Variants in PDK1 observed in about 807,000 individuals in gnomAD.
PDK1 encodes the protein [Pyruvate dehydrogenase (acetyl-transferring)] kinase isozyme 1, mitochondrial.
PDK1 carries 39 observed loss-of-function variants against 54.2 expected under a neutral mutation model. The ratio of observed to expected loss-of-function variants is 0.72; its 90% CI spans 0.56 to 0.94. PDK1 has a LOEUF of 0.94. Ranked by LOEUF, PDK1 falls within the 40% of genes least tolerant of loss-of-function variation. The pLI is 0.00. For synonymous variants in PDK1, 221 were observed against 207.1 expected (o/e 1.07, Z -0.58); for missense variants, 552 against 566.0 (o/e 0.98, Z 0.25).
chr2:172,701,812 C>T, the PDK1 span, among the ~76,000 whole-genome samples: 2 of 152,014 alleles, frequency 1.3e-5, no homozygotes, highest in African/African-American at 4.8e-5. Flanking sequence ...CTTTTTACCT[C>T]TAGAAATGCT....
the PDK1 span, among the ~76,000 whole-genome samples, chr2:172,713,802 A>G: frequency 6.6e-6 from 1 of 152,162 alleles, no homozygotes; most frequent in African/African-American, 2.4e-5. Flanking sequence ...TCAACTGGGA[A>G]GGGGGTGTGG....
intron 9 of PDK1, among the ~76,000 whole-genome samples, chr2:172,592,277 G>A (rs1690631312): frequency 6.6e-6 from 1 of 152,140 alleles, no homozygotes; most frequent in Non-Finnish European, 1.5e-5. Flanking sequence ...AGGGTACACT[G>A]TTTTTTCTTT....
At chr2:172,644,578 A>T in the PDK1 span, among the ~76,000 whole-genome samples, 2 of 152,214 alleles carry the variant, frequency 1.3e-5, no homozygotes, top group Non-Finnish European at 1.5e-5. Context: ...GTCCTTGTGG[A>T]AAATGTTTGC....
At position 172,603,547 on chromosome 2, in the gene PDK1, T is replaced by C. The variant is rs1004158977; in HGVS notation, c.*7578T>C. 1.3e-5 allele frequency: 2 copies of C among 152,212 alleles called. No individual in the cohort carries two copies. Among genetic ancestry groups the C allele is most frequent in the Admixed American group, 6.5e-5 (1 of 15,272 alleles). The allele number at this position is 152,212 out of a possible 1,614,324, so 9.4% of individuals were successfully genotyped here. On this transcript the variant is annotated 3_prime_UTR_variant, in exon 11 of 11. Transcript: ENST00000282077. Reference sequence around the variant, plus strand: ...GTGGTTAATGAGAGCTTCACTAATGTTGTCTGCTGCAGGCAATAAGTGAAG... The same window carrying C: ...GTGGTTAATGAGAGCTTCACTAATGCTGTCTGCTGCAGGCAATAAGTGAAG...
At chr2:172,708,017 G>T in the PDK1 span, among the ~76,000 whole-genome samples, 6 of 152,138 alleles carry the variant, frequency 3.9e-5, no homozygotes, top group Non-Finnish European at 7.4e-5. Flanking sequence ...TTAGAAAAAT[G>T]ACCAGCCAGG....
At chr2:172,564,197 T>C in intron 3 of PDK1, 1 of 470,706 alleles carries the variant, frequency 2.1e-6, no homozygotes, top group East Asian at 5.7e-5. Flanking sequence ...AGTGCTCAGA[T>C]GACCTTAGTT....
At chr2:172,706,899 A>C in the PDK1 span, among the ~76,000 whole-genome samples, 2 of 152,144 alleles carry the variant, frequency 1.3e-5, no homozygotes, top group South Asian at 4.1e-4. Context: ...CTCAGCTTTC[A>C]TCCACATCAT....
the PDK1 span, among the ~76,000 whole-genome samples, chr2:172,657,914 C>T: frequency 6.6e-6 from 1 of 152,316 alleles, no homozygotes; most frequent in South Asian, 2.1e-4. Context: ...GCATCTTCTT[C>T]TGGTGAGACC....
the PDK1 span, among the ~76,000 whole-genome samples, chr2:172,676,555 A>C: frequency 1.3e-5 from 2 of 152,212 alleles, no homozygotes; most frequent in Non-Finnish European, 2.9e-5. Flanking sequence ...ATGTGACTGA[A>C]TTGCTACAAT....
chr2:172,713,218 C>T, the PDK1 span, among the ~76,000 whole-genome samples: 27 of 152,164 alleles, frequency 1.8e-4, no homozygotes, highest in Non-Finnish European at 2.9e-4. Context: ...TGTCCAAGTC[C>T]GGGATTTTAT....
chr2:172,661,193 C>T, the PDK1 span, among the ~76,000 whole-genome samples: 1 of 147,666 alleles, frequency 6.8e-6, no homozygotes, highest in Non-Finnish European at 1.5e-5. Context: ...GCTCTACCCT[C>T]TCCCAGTAGA....
At chr2:172,720,116 C>CTT in the PDK1 span, among the ~76,000 whole-genome samples, 27,060 of 116,306 alleles carry the variant, frequency 0.23, 3,511 homozygotes, top group Middle Eastern at 0.35. Flanking sequence ...CTCTCTCTCT[C>CTT]TTTTTTTTTT....
chr2:172,561,146 A>G (rs959155028), intron 2 of PDK1, among the ~76,000 whole-genome samples: 1 of 152,230 alleles, frequency 6.6e-6, no homozygotes, highest in Non-Finnish European at 1.5e-5. Flanking sequence ...ATAATATTCC[A>G]TGGAAGATTT....
At chr2:172,655,739 T>G in the PDK1 span, among the ~76,000 whole-genome samples, 1 of 152,220 alleles carries the variant, frequency 6.6e-6, no homozygotes, top group African/African-American at 2.4e-5. Flanking sequence ...TGTGTTACAG[T>G]GTGCCCTTTT....
chr2:172,636,280 T>G, the PDK1 span, among the ~76,000 whole-genome samples: 1 of 152,176 alleles, frequency 6.6e-6, no homozygotes, highest in African/African-American at 2.4e-5. Context: ...GGCACTAGCA[T>G]CTGCTTCTAG....
chr2:172,600,486 C>G lies in PDK1; in HGVS notation c.*4517C>G, dbSNP rs1691076437. 1 of 152,104 alleles carries G rather than the reference C, an allele frequency of 6.6e-6. No individual in the cohort carries two copies. Among genetic ancestry groups the G allele is most frequent in the Non-Finnish European group, 1.5e-5 (1 of 68,026 alleles). 9.4% of individuals were successfully genotyped at this position (152,104 alleles called of 1,614,324 possible). On this transcript the variant is annotated 3_prime_UTR_variant, in exon 11 of 11. Transcript: ENST00000282077. ...CATAATGGCCAGTATGTAGTAGGCA[C>G]CTGTAATTGTGAAGCAGCCTCATTG...
At chr2:172,696,746 A>C in the PDK1 span, among the ~76,000 whole-genome samples, 1 of 152,078 alleles carries the variant, frequency 6.6e-6, no homozygotes, top group East Asian at 1.9e-4. Flanking sequence ...CATTGCTAAA[A>C]TTTTTCCAGT....
the PDK1 span, among the ~76,000 whole-genome samples, chr2:172,616,494 C>T: frequency 6.6e-6 from 1 of 152,098 alleles, no homozygotes; most frequent in Admixed American, 6.5e-5. Flanking sequence ...ACGAACAAAA[C>T]AATGCTCAGG....
the PDK1 span, among the ~76,000 whole-genome samples, chr2:172,621,192 G>A: frequency 4.6e-5 from 7 of 152,310 alleles, no homozygotes; most frequent in South Asian, 1.5e-3. Context: ...TGCAAGTATT[G>A]ATCCTGGGTG....
Sources: allele counts gnomAD v4.1 joint callset (sites outside exome capture counted in the v4.1 genomes callset), GRCh38; gene constraint gnomAD v4.1.1; transcripts MANE v1.5; gene names NCBI Gene and HGNC (gene_info 2026-07-23, HGNC 2026-07-21).